B3GALT1: variants seen among roughly 807,000 people sequenced by gnomAD.
B3GALT1 encodes beta-1,3-galactosyltransferase 1.
B3GALT1 carries 10 observed loss-of-function variants against 23.2 expected under a neutral mutation model. The observed-to-expected ratio is 0.43, with a 90% confidence interval of 0.27 to 0.73. The LOEUF (loss-of-function observed/expected upper bound fraction) is 0.73. Ranked by LOEUF, B3GALT1 falls within the 30% of genes least tolerant of loss-of-function variation. The pLI, the probability that B3GALT1 is intolerant of heterozygous loss-of-function variation, is 0.21. For synonymous variants in B3GALT1, 156 were observed against 141.5 expected (o/e 1.10, Z -0.73); for missense variants, 299 against 405.4 (o/e 0.74, Z 2.25).
At chr2:167,304,686 G>A (rs370258961) in intron 1 of B3GALT1, among the ~76,000 whole-genome samples, 1 of 151,292 alleles carries the variant, frequency 6.6e-6, no homozygotes, top group African/African-American at 2.4e-5. Context: ...ACAGAAAGAG[G>A]GAGAGACTAT....
At chr2:167,444,329 T>C (rs1350215379) in intron 1 of B3GALT1, among the ~76,000 whole-genome samples, 1 of 152,134 alleles carries the variant, frequency 6.6e-6, no homozygotes, top group Non-Finnish European at 1.5e-5. Flanking sequence ...TAAAATTCTC[T>C]TTTTTTGTTT....
intron 4 of B3GALT1, among the ~76,000 whole-genome samples, chr2:167,865,711 G>A (rs1184827908): frequency 6.6e-6 from 1 of 152,140 alleles, no homozygotes; most frequent in Non-Finnish European, 1.5e-5. Flanking sequence ...AGAATGGCGT[G>A]AACCCGGGAG....
Position 167,512,637 on chromosome 2 carries a change from C to CGTGTGTATATAT in B3GALT1, c.-410+22360_-410+22361insGTGTGTATATAT, listed in dbSNP as rs1370092531. 5.5e-4 allele frequency among the ~76,000 whole-genome samples: 36 copies of CGTGTGTATATAT among 64,942 alleles called. 1 individual carries two copies. The highest frequency in any genetic ancestry group is 2.7e-3 in the African/African-American group (34 of 12,820). The allele number at this position is 64,942 out of a possible 152,430, so 42.6% of individuals were successfully genotyped here. ...ATATATATACGTGTATATATATATA[C>CGTGTGTATATAT]ATATATATATATATTTTGAGATAGG... On this transcript the variant is annotated intron_variant, in intron 2 of 4. Coordinates refer to ENST00000392690, the MANE Select transcript of B3GALT1 (RefSeq NM_020981.4).
chr2:167,818,965 A>G (rs531949642), intron 4 of B3GALT1, among the ~76,000 whole-genome samples, 172 bp downstream of exon 4: 1 of 151,720 alleles, frequency 6.6e-6, no homozygotes, highest in Non-Finnish European at 1.5e-5. Context: ...TAGTATGCAA[A>G]ATATCCTTGC....
chr2:167,702,931 A>G (rs779052672), intron 3 of B3GALT1, among the ~76,000 whole-genome samples: 4 of 152,220 alleles, frequency 2.6e-5, no homozygotes, highest in Non-Finnish European at 4.4e-5. Flanking sequence ...TGAAATATTC[A>G]TGTAAATTAT....
chr2:167,595,501 A>G (rs990129397), intron 2 of B3GALT1, among the ~76,000 whole-genome samples: 3 of 94,930 alleles, frequency 3.2e-5, no homozygotes, highest in African/African-American at 6.2e-5. Flanking sequence ...GTGTATGTAT[A>G]TGTTCGGGGG....
intron 2 of B3GALT1, among the ~76,000 whole-genome samples, chr2:167,627,082 G>A (rs1327597497): frequency 6.6e-6 from 1 of 151,624 alleles, no homozygotes; most frequent in Non-Finnish European, 1.5e-5. Context: ...CCAGCATAGT[G>A]CACTTTGGTC....
At chr2:167,694,518 T>G (rs1422041415) in intron 3 of B3GALT1, among the ~76,000 whole-genome samples, 1 of 152,116 alleles carries the variant, frequency 6.6e-6, no homozygotes, top group Admixed American at 6.6e-5. Flanking sequence ...ATGCTGAAAT[T>G]TATCTCATTC....
chr2:167,352,491 G>A (rs1230828012), intron 1 of B3GALT1, among the ~76,000 whole-genome samples: 2 of 150,892 alleles, frequency 1.3e-5, no homozygotes, highest in Non-Finnish European at 3.0e-5. Flanking sequence ...GAAGGCCGAG[G>A]TGGGCGGATC....
At chr2:167,462,410 G>C (rs1699272442) in intron 1 of B3GALT1, among the ~76,000 whole-genome samples, 3 of 152,258 alleles carry the variant, frequency 2.0e-5, no homozygotes, top group African/African-American at 7.2e-5. Context: ...AAATTTATGA[G>C]AGAAAATGGC....
chr2:167,462,244 G>A (rs949556395), intron 1 of B3GALT1, among the ~76,000 whole-genome samples: 19 of 152,062 alleles, frequency 1.2e-4, no homozygotes, highest in Admixed American at 5.2e-4. Flanking sequence ...CTTTAATAAT[G>A]GCCATCTTTA....
chr2:167,682,666 G>T (rs569205537), intron 3 of B3GALT1, among the ~76,000 whole-genome samples: 2 of 152,136 alleles, frequency 1.3e-5, no homozygotes, highest in African/African-American at 2.4e-5. Flanking sequence ...GCATGGCTGG[G>T]GTGCCCTCTG....
At position 167,728,208 on chromosome 2, in the gene B3GALT1, C is replaced by A. The variant is rs554639724; in HGVS notation, c.-352+81242C>A. On this transcript the variant is annotated intron_variant, in intron 3 of 4. Coordinates refer to ENST00000392690, the MANE Select transcript of B3GALT1 (RefSeq NM_020981.4). ...TTTGAGACCAGCCTGGCCAACATGG[C>A]GAAACCCAGCCTCTACTAAAAATAC... Among the ~76,000 whole-genome samples, 10 of 152,096 alleles carry A rather than the reference C, an allele frequency of 6.6e-5. No individual in the cohort carries two copies. In the East Asian group the frequency reaches 9.7e-4, roughly 15 times the overall value.
At chr2:167,517,847 T>A (rs781071335) in intron 2 of B3GALT1, among the ~76,000 whole-genome samples, 3 of 152,108 alleles carry the variant, frequency 2.0e-5, no homozygotes, top group Non-Finnish European at 4.4e-5. Context: ...AATTAATCTA[T>A]TGCTTAGTCC....
At chr2:167,747,744 T>C (rs1014328572) in intron 3 of B3GALT1, among the ~76,000 whole-genome samples, 6 of 152,158 alleles carry the variant, frequency 3.9e-5, no homozygotes, top group Non-Finnish European at 7.4e-5. Context: ...ACAATAGTCA[T>C]GGAGAATGGG....
chr2:167,681,088 G>T (rs1686521873), intron 3 of B3GALT1, among the ~76,000 whole-genome samples: 1 of 152,104 alleles, frequency 6.6e-6, no homozygotes, highest in African/African-American at 2.4e-5. Flanking sequence ...TGTATAACCA[G>T]AAATGAGGTT....
At chr2:167,810,047 A>G (rs1378505528) in intron 3 of B3GALT1, among the ~76,000 whole-genome samples, 1 of 152,112 alleles carries the variant, frequency 6.6e-6, no homozygotes, top group Admixed American at 6.5e-5. Context: ...TGTGCTAGCA[A>G]TGAGTGAGGC....
At chr2:167,425,079 C>G (rs1698603684) in intron 1 of B3GALT1, among the ~76,000 whole-genome samples, 1 of 152,192 alleles carries the variant, frequency 6.6e-6, no homozygotes, top group Non-Finnish European at 1.5e-5. Flanking sequence ...ACCCCATTAC[C>G]TCATATGCAG....
At chr2:167,326,098 T>C (rs878929701) in intron 1 of B3GALT1, among the ~76,000 whole-genome samples, 3 of 146,368 alleles carry the variant, frequency 2.0e-5, no homozygotes, top group South Asian at 4.3e-4. Context: ...TTTTTTTTTT[T>C]CTGTCTTTTT....
Sources: gnomAD v4.1 joint callset for allele counts (sites outside exome capture counted in the v4.1 genomes callset) on GRCh38, gnomAD v4.1.1 for gene constraint, MANE v1.5 for transcripts, NCBI Gene and HGNC (gene_info 2026-07-23, HGNC 2026-07-21) for gene names.